BIN3: variants seen among roughly 807,000 people sequenced by gnomAD.
The protein encoded by BIN3 is bridging integrator 3.
BIN3 carries 41 observed loss-of-function variants against 38.2 expected under a neutral mutation model. The observed-to-expected ratio is 1.07, with a 90% CI of 0.84 to 1.39. The LOEUF (loss-of-function observed/expected upper bound fraction) is 1.39, where lower values mean the gene tolerates loss of function less well. Among genes scored for constraint, BIN3 ranks in the 40% most tolerant of loss-of-function variants. The pLI, the probability that BIN3 is intolerant of heterozygous loss-of-function variation, is 0.00. For missense variants in BIN3, 361 were observed against 324.3 expected, an observed-to-expected ratio of 1.11 and a Z score of -0.87; for synonymous variants, 145 against 122.6, an observed-to-expected ratio of 1.18 and a Z score of -1.21.
intron 2 of BIN3, among the ~76,000 whole-genome samples, chr8:22,637,883 C>A (rs1480124999): frequency 6.6e-6 from 1 of 152,168 alleles, no homozygotes; most frequent in African/African-American, 2.4e-5. Flanking sequence ...GTGTGCTTTA[C>A]AAGAATGCAG....
chr8:22,641,608 T>C (rs1402118247), intron 2 of BIN3, among the ~76,000 whole-genome samples: 1 of 152,070 alleles, frequency 6.6e-6, no homozygotes, highest in Non-Finnish European at 1.5e-5. Flanking sequence ...GGGCTCCCTG[T>C]AGGTATGTTC....
chr8:22,624,716 C>T lies in BIN3; in HGVS notation c.339-353G>A, dbSNP rs117446152. On this transcript the variant is annotated intron_variant, in intron 6 of 8. Coordinates refer to ENST00000276416, the MANE Select transcript of BIN3 (RefSeq NM_018688.6). ...CCCAGGAATGAAGGGTGCCCTGACC[C>T]CCACCTCCTGTGAGCTTTATCACAC... is the stretch of plus-strand genomic sequence containing the variant. 2.9e-3 allele frequency: 709 copies of T among 244,342 alleles called. 29 individuals are homozygous for T. The East Asian group carries it at 0.065, about 22-fold the overall frequency. The allele number at this position is 244,342 out of a possible 1,614,324, so 15.1% of individuals were successfully genotyped here.
At chr8:22,636,498 G>A (rs1404907286) in intron 4 of BIN3, 27 bp downstream of exon 4, 20 of 1,550,790 alleles carry the variant, frequency 1.3e-5, no homozygotes, top group South Asian at 2.4e-5. Context: ...CTGCTCAAGC[G>A]AGTGGTGCGG....
At chr8:22,630,397 C>G (rs771177103) in intron 5 of BIN3, 45 bp downstream of exon 5, 47 of 1,607,410 alleles carry the variant, frequency 2.9e-5, no homozygotes, top group Non-Finnish European at 3.9e-5. Context: ...AGGCCCAGAC[C>G]GGGCAGAAGT....
chr8:22,632,162 G>C (rs1318811000), intron 4 of BIN3, among the ~76,000 whole-genome samples: 1 of 152,202 alleles, frequency 6.6e-6, no homozygotes, highest in African/African-American at 2.4e-5. Context: ...TGATTTCAGA[G>C]ACATTAACTG....
intron 1 of BIN3, among the ~76,000 whole-genome samples, chr8:22,656,819 T>C (rs1803071107): frequency 1.3e-5 from 2 of 152,378 alleles, no homozygotes; most frequent in South Asian, 4.1e-4. Context: ...TAACCTATTA[T>C]TGTGTTGAAC....
intron 2 of BIN3, among the ~76,000 whole-genome samples, chr8:22,637,823 C>T (rs17088510): frequency 0.035 from 5,354 of 152,280 alleles, 326 homozygotes; most frequent in African/African-American, 0.12. Context: ...CTTCGGGCTT[C>T]GTGCTCTGAG....
intron 1 of BIN3, among the ~76,000 whole-genome samples, chr8:22,658,999 T>C (rs893445565): frequency 4.6e-5 from 7 of 152,224 alleles, no homozygotes; most frequent in African/African-American, 1.2e-4. Flanking sequence ...TATCCTTGGG[T>C]TGCTGCCTGC....
rs751194383 is a variant in BIN3 at position 22,661,352 on chromosome 8, CTTTTTTTTTTT to C, written c.8+7681_8+7691del. On this transcript the variant is annotated intron_variant, in intron 1 of 8. Coordinates refer to ENST00000276416, the MANE Select transcript of BIN3 (RefSeq NM_018688.6). ...ATAGTACAATGTTGAATGTATCATT[CTTTTTTTTTTT>C]TTTTTTTTTTTTGAGATGGAGTCTC... Among the ~76,000 whole-genome samples the C allele has an allele frequency of 3.7e-4, 31 of 84,452 alleles. 1 individual carries two copies. The highest frequency in any genetic ancestry group is 8.2e-4 in the East Asian group (2 of 2,446). The allele number at this position is 84,452 out of a possible 152,430, so 55.4% of individuals were successfully genotyped here. A position where few individuals can be genotyped will look rare whatever the true frequency, so the allele number is the denominator to read the frequency against.
intron 5 of BIN3, among the ~76,000 whole-genome samples, 151 bp from the exon 6 acceptor site, chr8:22,630,155 C>T (rs562751741): frequency 6.6e-6 from 1 of 152,330 alleles, no homozygotes; most frequent in Admixed American, 6.5e-5. Context: ...GGGTGGAGGC[C>T]GGGTGGCTGG....
At chr8:22,636,889 C>T (rs1802384573) in intron 3 of BIN3, 33 bp downstream of exon 3, 3 of 1,606,362 alleles carry the variant, frequency 1.9e-6, no homozygotes, top group Non-Finnish European at 2.6e-6. Context: ...CCCTCCCTGC[C>T]TCCCACCTCA....
chr8:22,624,422 T>C (rs1801946068), intron 6 of BIN3, 59 bp from the exon 7 acceptor site: 1 of 1,584,370 alleles, frequency 6.3e-7, no homozygotes, highest in African/African-American at 1.3e-5. Flanking sequence ...TGGCTGGAGA[T>C]GGGTCTGCTC....
chr8:22,621,249 C>T lies in BIN3; in HGVS notation c.*173G>A. 1.2e-6 allele frequency: 1 copy of T among 851,510 alleles called. No homozygotes were observed. The highest frequency in any genetic ancestry group is 1.8e-5 in the South Asian group (1 of 55,682). 52.7% of individuals were successfully genotyped at this position (851,510 alleles called of 1,614,324 possible). On this transcript the variant is annotated 3_prime_UTR_variant, in exon 9 of 9. Coordinates refer to ENST00000276416, the MANE Select transcript of BIN3 (RefSeq NM_018688.6). Reference sequence around the variant, plus strand: ...GGGGCTGTGAGTGGGGAGACGGCGGCCTGCCTAGGGCTCCTGGTGCCAGGC... The same window carrying T: ...GGGGCTGTGAGTGGGGAGACGGCGGTCTGCCTAGGGCTCCTGGTGCCAGGC...
In BIN3 at chr8:22,668,147, G is replaced by A. The variant is rs181156684; in HGVS notation, c.8+897C>T. ...GGCTATATAGGTCCTTGGGCCTGAC[G>A]GTAAGGTAAGGTGCTGCATATGAGT... On this transcript the variant is annotated intron_variant, in intron 1 of 8. Transcript: ENST00000276416. Among the ~76,000 whole-genome samples, 840 of 152,272 alleles carry A rather than the reference G, an allele frequency of 5.5e-3. 3 individuals are homozygous for A. Among genetic ancestry groups the A allele is most frequent in the Non-Finnish European group, 0.01 (688 of 68,028 alleles).
chr8:22,642,205 C>T (rs1802585417), intron 2 of BIN3, among the ~76,000 whole-genome samples: 1 of 152,230 alleles, frequency 6.6e-6, no homozygotes, highest in African/African-American at 2.4e-5. Context: ...CTTCCAATAA[C>T]CCAGGCAGCC....
At position 22,621,346 on chromosome 8, in the gene BIN3, G is replaced by C. The variant is rs1488849484; in HGVS notation, c.*76C>G. The stretch of plus-strand genomic sequence containing the variant: ...CACCTCTGTCCCCAGCCTGTGAGAG[G>C]AGCAGCTAGCCCTGAGAAGGGCAAG... On this transcript the variant is annotated 3_prime_UTR_variant, in exon 9 of 9. Transcript: ENST00000276416. The C allele has an allele frequency of 2.0e-5, 31 of 1,515,882 alleles. No individual in the cohort carries two copies. Among genetic ancestry groups the C allele is most frequent in the South Asian group, 5.0e-5 (4 of 79,534 alleles). The allele number at this position is 1,515,882 out of a possible 1,614,324, so 93.9% of individuals were successfully genotyped here.
intron 4 of BIN3, among the ~76,000 whole-genome samples, chr8:22,633,270 G>A (rs1802265608): frequency 1.3e-5 from 2 of 151,834 alleles, no homozygotes; most frequent in African/African-American, 2.4e-5. Flanking sequence ...AGGAGTTCGA[G>A]ACCAGCCTGG....
At chr8:22,658,329 C>T (rs1242521638) in intron 1 of BIN3, among the ~76,000 whole-genome samples, 1 of 152,144 alleles carries the variant, frequency 6.6e-6, no homozygotes, top group African/African-American at 2.4e-5. Context: ...TATTTTCTTT[C>T]ATAATAAAGA....
At chr8:22,658,149 CCCATTCCATAAATA>C (rs1803117431) in intron 1 of BIN3, among the ~76,000 whole-genome samples, 2 of 152,314 alleles carry the variant, frequency 1.3e-5, no homozygotes, top group Admixed American at 1.3e-4. Flanking sequence ...GGTTCTGCTT[CCCATTCCATAAATA>C]TGAGCACCAG....
Sources: allele counts gnomAD v4.1 joint callset (sites outside exome capture counted in the v4.1 genomes callset), GRCh38; gene constraint gnomAD v4.1.1; transcripts MANE v1.5; gene names NCBI Gene and HGNC (gene_info 2026-07-23, HGNC 2026-07-21).